The following PPP4R2 variants were observed in gnomAD, a reference collection of about 807,000 sequenced individuals.
The protein encoded by PPP4R2 is protein phosphatase 4 regulatory subunit 2.
PPP4R2 carries 13 observed loss-of-function variants against 47.2 expected under a neutral mutation model. The ratio of observed to expected loss-of-function variants is 0.28; its 90% confidence interval spans 0.18 to 0.44. PPP4R2 has a LOEUF of 0.44. Among genes scored for constraint, PPP4R2 ranks in the 20% least tolerant of loss-of-function variants. PPP4R2 has a pLI of 1.00. For missense variants in PPP4R2, 421 were observed against 491.2 expected (o/e 0.86, Z 1.35); for synonymous variants, 151 against 163.3 (o/e 0.92, Z 0.57).
chr3:72,997,157 G>A (rs949944162), intron 1 of PPP4R2, 86 bp downstream of exon 1: 3 of 1,116,450 alleles, frequency 2.7e-6, no homozygotes, highest in South Asian at 3.5e-5. Context: ...TCCGAGGACC[G>A]GGGCCGGGCG....
rs139197331 is a variant in PPP4R2 at position 73,005,480 on chromosome 3, A to G, written c.116+7322A>G. ...TTTTGTTGGGGAGGGGAGGGAGACTATATTGCTGCATCTTTGCATATCTTC... is the reference window on the plus strand; with the variant it reads ...TTTTGTTGGGGAGGGGAGGGAGACTGTATTGCTGCATCTTTGCATATCTTC... On this transcript the variant is annotated intron_variant, in intron 2 of 8. Transcript: ENST00000356692. Among the ~76,000 whole-genome samples, 48 of 152,166 alleles carry G rather than the reference A, an allele frequency of 3.2e-4. No homozygotes were observed. The South Asian group carries it at 3.5e-3, about 11-fold the overall frequency.
In PPP4R2 at chr3:72,996,981, C is replaced by T; in HGVS notation, c.-57C>T. The T allele has an allele frequency of 7.8e-7, 1 of 1,287,808 alleles. No individual in the cohort carries two copies. The highest frequency in any genetic ancestry group is 1.0e-6 in the Non-Finnish European group (1 of 996,128). The allele number at this position is 1,287,808 out of a possible 1,614,324, so 79.8% of individuals were successfully genotyped here. On this transcript the variant is annotated 5_prime_UTR_variant, in exon 1 of 9. Coordinates refer to ENST00000356692, the MANE Select transcript of PPP4R2 (RefSeq NM_174907.4). The stretch of plus-strand genomic sequence containing the variant: ...CGTCGGGGGGGTGGGGGGAGGCGTT[C>T]CGGTCCCCAAGAGACCCGCGGAGGG...
Position 73,008,201 on chromosome 3 carries a change from A to G in PPP4R2, c.116+10043A>G, listed in dbSNP as rs560637544. On this transcript the variant is annotated intron_variant, in intron 2 of 8. Coordinates refer to ENST00000356692, the MANE Select transcript of PPP4R2 (RefSeq NM_174907.4). ...AATATGAATTATCCATGTGTCACCT[A>G]AAGTCCTCTCATGTGCTGTCATCAC... Among the ~76,000 whole-genome samples the G allele has an allele frequency of 2.2e-4, 34 of 152,290 alleles. No homozygotes were observed. The South Asian group carries it at 6.8e-3, about 31-fold the overall frequency.
intron 2 of PPP4R2, among the ~76,000 whole-genome samples, chr3:73,008,237 A>G (rs947200119): frequency 6.6e-6 from 1 of 152,224 alleles, no homozygotes; most frequent in African/African-American, 2.4e-5. Flanking sequence ...AGTGGTACAC[A>G]GAGGAAGCAC....
chr3:73,010,078 T>C (rs532115992), intron 2 of PPP4R2, among the ~76,000 whole-genome samples: 1 of 152,308 alleles, frequency 6.6e-6, no homozygotes, highest in East Asian at 1.9e-4. Flanking sequence ...GACTATAAAG[T>C]GAATAATAGC....
chr3:72,997,127 C>G (rs909547370), intron 1 of PPP4R2, 56 bp downstream of exon 1: 1 of 1,278,172 alleles, frequency 7.8e-7, no homozygotes, highest in Non-Finnish European at 1.0e-6. Context: ...TCGCTCTTCT[C>G]TCCTTTCAGG....
intron 2 of PPP4R2, among the ~76,000 whole-genome samples, chr3:73,035,165 T>TC (rs1702239131): frequency 6.6e-6 from 1 of 152,232 alleles, no homozygotes; most frequent in Non-Finnish European, 1.5e-5. Flanking sequence ...GAAAATATGT[T>TC]CAACATTAGT....
intron 2 of PPP4R2, among the ~76,000 whole-genome samples, chr3:72,998,567 C>CT (rs1170464825): frequency 2.0e-5 from 3 of 151,854 alleles, no homozygotes; most frequent in Non-Finnish European, 4.4e-5. Context: ...TGTGTCCAGC[C>CT]TTTTTTTGGT....
At chr3:73,056,782 A>G (rs955182512) in intron 3 of PPP4R2, among the ~76,000 whole-genome samples, 4 of 152,194 alleles carry the variant, frequency 2.6e-5, no homozygotes, top group African/African-American at 9.6e-5. Context: ...TACATTTCTA[A>G]AGAAAATTAG....
At chr3:73,045,003 T>G (rs2107305530) in intron 2 of PPP4R2, among the ~76,000 whole-genome samples, 1 of 152,314 alleles carries the variant, frequency 6.6e-6, no homozygotes, top group Non-Finnish European at 1.5e-5. Flanking sequence ...TATCACACAG[T>G]ATCTTTAAGA....
intron 2 of PPP4R2, among the ~76,000 whole-genome samples, chr3:73,007,195 C>T (rs1331862592): frequency 5.9e-5 from 9 of 152,152 alleles, no homozygotes; most frequent in Non-Finnish European, 1.5e-5. Flanking sequence ...AAACTCAGCA[C>T]AGTGCTTGGT....
Position 72,997,002 on chromosome 3 carries a change from G to C in PPP4R2, c.-36G>C. 1 of 1,356,734 alleles carries C rather than the reference G, an allele frequency of 7.4e-7. No individual in the cohort carries two copies. Among genetic ancestry groups the C allele is most frequent in the Admixed American group, 3.0e-5 (1 of 33,588 alleles). 84.0% of individuals were successfully genotyped at this position (1,356,734 alleles called of 1,614,324 possible). A position where few individuals can be genotyped will look rare whatever the true frequency, so the allele number is the denominator to read the frequency against. ...CGTTCCGGTCCCCAAGAGACCCGCGGAGGGAGGCGGAGGCTGTGAGGGACT... is the reference window on the plus strand; with the variant it reads ...CGTTCCGGTCCCCAAGAGACCCGCGCAGGGAGGCGGAGGCTGTGAGGGACT... On this transcript the variant is annotated 5_prime_UTR_variant, in exon 1 of 9. Coordinates refer to ENST00000356692, the MANE Select transcript of PPP4R2 (RefSeq NM_174907.4).
intron 2 of PPP4R2, among the ~76,000 whole-genome samples, chr3:73,004,086 T>A (rs1015047562): frequency 2.0e-5 from 3 of 152,166 alleles, no homozygotes; most frequent in Non-Finnish European, 1.5e-5. Flanking sequence ...TCTGCCTGTC[T>A]CGGCCTCCCA....
chr3:73,052,241 C>CT (rs71845467), intron 3 of PPP4R2, among the ~76,000 whole-genome samples: 11,193 of 137,536 alleles, frequency 0.081, 732 homozygotes, highest in African/African-American at 0.14. Context: ...TAATTTCTTT[C>CT]TTTTCTTTTT....
Position 73,065,702 on chromosome 3 carries a change from G to T in PPP4R2, c.1234G>T (p.Glu412Ter). The change falls in exon 9 of 9, where the codon GAA becomes TAA. Residue 412 changes from glutamate (E) to a stop codon, truncating the protein, a stop_gained. Transcript: ENST00000356692. LOFTEE classifies it high-confidence loss of function. ...TGACGAAGCCACAGAAGTCACCGAT[G>T]AACCAATGGAACAAGACTAACTATT... ...NDDEATEVTDEPMEQD is the reference protein window; with the variant it reads ...NDDEATEVTD The T allele has an allele frequency of 6.2e-7, 1 of 1,604,758 alleles. No homozygotes were observed. The highest frequency in any genetic ancestry group is 8.5e-7 in the Non-Finnish European group (1 of 1,173,118).
At chr3:73,043,625 A>T (rs2107302872) in intron 2 of PPP4R2, among the ~76,000 whole-genome samples, 1 of 152,336 alleles carries the variant, frequency 6.6e-6, no homozygotes, top group East Asian at 1.9e-4. Flanking sequence ...CTTTTTGATT[A>T]TAGCCACCCT....
At chr3:73,045,214 G>C (rs763604775) in intron 2 of PPP4R2, among the ~76,000 whole-genome samples, 54 of 152,214 alleles carry the variant, frequency 3.5e-4, no homozygotes, top group Non-Finnish European at 6.2e-4. Flanking sequence ...GTTTGCCCAG[G>C]CTGGCTTCCA....
intron 2 of PPP4R2, among the ~76,000 whole-genome samples, chr3:73,012,855 G>A (rs1701751922): frequency 2.0e-5 from 3 of 151,056 alleles, no homozygotes; most frequent in East Asian, 3.9e-4. Context: ...GCATACTAGA[G>A]TGTGTCTTGC....
rs111652454 is a variant in PPP4R2 at position 73,059,437 on chromosome 3, T to C, written c.381+307T>C. Among the ~76,000 whole-genome samples the C allele has an allele frequency of 1.2e-4, 18 of 152,348 alleles. 1 individual carries two copies. Among genetic ancestry groups the C allele is most frequent in the African/African-American group, 3.4e-4 (14 of 41,568 alleles). On this transcript the variant is annotated intron_variant, in intron 4 of 8. Transcript: ENST00000356692. The stretch of plus-strand genomic sequence containing the variant: ...GAAGTTATAATTGCTATTTTAACTT[T>C]ATAGAGTGTTTTATAAACTTACACA...
Sources: allele counts gnomAD v4.1 joint callset (sites outside exome capture counted in the v4.1 genomes callset), GRCh38; gene constraint gnomAD v4.1.1; transcripts MANE v1.5; gene names NCBI Gene and HGNC (gene_info 2026-07-23, HGNC 2026-07-21).